DNAJC6: variants seen among roughly 807,000 people sequenced by gnomAD.
DNAJC6 encodes DnaJ heat shock protein family (Hsp40) member C6.
A neutral mutation model predicts 110.0 loss-of-function variants in DNAJC6; 34 were observed. The observed-to-expected ratio is 0.31, with a 90% CI of 0.24 to 0.41. The LOEUF (loss-of-function observed/expected upper bound fraction) is 0.41, where lower values mean the gene tolerates loss of function less well. DNAJC6 is among the 10% of genes least tolerant of loss of function. The probability of loss-of-function intolerance (pLI) is 1.00; values close to 1 mark genes in which losing one functional copy is unlikely to be tolerated. For synonymous variants in DNAJC6, 406 were observed against 437.2 expected (o/e 0.93, Z 0.89); for missense variants, 1,031 against 1,207.8 (o/e 0.85, Z 2.17).
chr1:65,265,096 A>T (rs1473410236), intron 1 of DNAJC6, among the ~76,000 whole-genome samples: 1 of 152,198 alleles, frequency 6.6e-6, no homozygotes, highest in Non-Finnish European at 1.5e-5. Flanking sequence ...TGATGACTTT[A>T]AAAAATGACT....
intron 1 of DNAJC6, among the ~76,000 whole-genome samples, chr1:65,313,446 C>T (rs776667403): frequency 1.3e-5 from 2 of 152,108 alleles, no homozygotes; most frequent in Non-Finnish European, 2.9e-5. Context: ...TATAAAAATA[C>T]ATTTGCAGTT....
chr1:65,351,035 C>T (rs909294405), intron 1 of DNAJC6, among the ~76,000 whole-genome samples: 2 of 152,190 alleles, frequency 1.3e-5, no homozygotes, highest in Non-Finnish European at 2.9e-5. Flanking sequence ...CCTATGTCCA[C>T]ACTGTGCCTC....
At chr1:65,339,815 C>A (rs1449774068) in intron 1 of DNAJC6, among the ~76,000 whole-genome samples, 1 of 152,174 alleles carries the variant, frequency 6.6e-6, no homozygotes, top group Non-Finnish European at 1.5e-5. Flanking sequence ...TAGTCCCTCA[C>A]CCCTGGGCTT....
chr1:65,264,914 A>G (rs1653265024), exon 1 of DNAJC6: 2 of 1,613,408 alleles, frequency 1.2e-6, no homozygotes, highest in Non-Finnish European at 1.7e-6. Context: ...GCAGAGAATG[A>G]AAGATTCTGA....
intron 5 of DNAJC6, among the ~76,000 whole-genome samples, chr1:65,380,855 G>A (rs1195568589): frequency 2.0e-5 from 3 of 148,944 alleles, no homozygotes; most frequent in African/African-American, 7.5e-5. Context: ...TGAATACCAT[G>A]TCTTTGGGAA....
At position 65,309,945 on chromosome 1, in the gene DNAJC6, C is replaced by T; in HGVS notation, c.193+7C>T. On this transcript the variant is annotated splice_region_variant and intron_variant, in intron 1 of 18. Transcript: ENST00000371069. ...AGCACCATGGACAGCTCAGGTAGCG[C>T]TGCCCGAGGGGAGTGCAGCGCTGAG... 1 of 1,451,950 alleles carries T rather than the reference C, an allele frequency of 6.9e-7. No individual in the cohort carries two copies. The highest frequency in any genetic ancestry group is 9.1e-7 in the Non-Finnish European group (1 of 1,102,178). The allele number at this position is 1,451,950 out of a possible 1,614,324, so 89.9% of individuals were successfully genotyped here.
intron 1 of DNAJC6, among the ~76,000 whole-genome samples, chr1:65,336,297 C>T (rs1436824945): frequency 6.6e-6 from 1 of 152,106 alleles, no homozygotes; most frequent in Non-Finnish European, 1.5e-5. Flanking sequence ...ATCACGAGAA[C>T]AGGAGCATGG....
At chr1:65,332,305 T>C (rs17127524) in intron 1 of DNAJC6, among the ~76,000 whole-genome samples, 10,759 of 152,176 alleles carry the variant, frequency 0.071, 632 homozygotes, top group East Asian at 0.23. Context: ...TATTTAAGAA[T>C]AACAAACGTT....
chr1:65,315,638 T>C (rs1482478957), intron 1 of DNAJC6, among the ~76,000 whole-genome samples: 4 of 152,208 alleles, frequency 2.6e-5, no homozygotes, highest in African/African-American at 9.6e-5. Context: ...TTAATTATTA[T>C]AATTCAGGGA....
At chr1:65,318,121 A>G (rs1409626460) in intron 1 of DNAJC6, among the ~76,000 whole-genome samples, 1 of 152,088 alleles carries the variant, frequency 6.6e-6, no homozygotes, top group Non-Finnish European at 1.5e-5. Flanking sequence ...GTGGGAGGCC[A>G]GTGAAGATTT....
At chr1:65,265,261 G>A (rs189526179) in intron 1 of DNAJC6, among the ~76,000 whole-genome samples, 127 of 152,244 alleles carry the variant, frequency 8.3e-4, no homozygotes, top group African/African-American at 3.0e-3. Flanking sequence ...TATTTTGGGG[G>A]TGTTCACAAT....
chr1:65,397,875 A>G (rs1056709945), intron 13 of DNAJC6, among the ~76,000 whole-genome samples: 1 of 152,168 alleles, frequency 6.6e-6, no homozygotes, highest in African/African-American at 2.4e-5. Flanking sequence ...ACAAGGAAAT[A>G]AAAGGTTTGG....
At chr1:65,407,603 T>C (rs1646089064) in intron 16 of DNAJC6, among the ~76,000 whole-genome samples, 1 of 152,192 alleles carries the variant, frequency 6.6e-6, no homozygotes, top group African/African-American at 2.4e-5. Flanking sequence ...TGTTTGTTCT[T>C]GACTAGCAGG....
intron 15 of DNAJC6, among the ~76,000 whole-genome samples, chr1:65,403,942 T>C (rs1646052626): frequency 6.6e-6 from 1 of 152,198 alleles, no homozygotes; most frequent in Non-Finnish European, 1.5e-5. Context: ...TAACTGGCAG[T>C]GTGGTAGGCA....
At chr1:65,399,260 T>TA (rs142741697) in intron 14 of DNAJC6, among the ~76,000 whole-genome samples, 1 of 152,072 alleles carries the variant, frequency 6.6e-6, no homozygotes, top group East Asian at 1.9e-4. Flanking sequence ...TAAGTTTAAA[T>TA]AAAAAAAACT....
At chr1:65,274,470 C>T (rs1267134944) in intron 1 of DNAJC6, among the ~76,000 whole-genome samples, 1 of 152,292 alleles carries the variant, frequency 6.6e-6, no homozygotes, top group African/African-American at 2.4e-5. Flanking sequence ...GCGTGTGCCA[C>T]CACACTCAGC....
intron 1 of DNAJC6, among the ~76,000 whole-genome samples, chr1:65,270,987 TTA>T (rs1570193627): frequency 6.6e-6 from 1 of 152,236 alleles, no homozygotes; most frequent in East Asian, 1.9e-4. Context: ...CAAAATTTTT[TTA>T]AAACATTTTA....
intron 1 of DNAJC6, among the ~76,000 whole-genome samples, chr1:65,320,452 A>G (rs1037796859): frequency 6.6e-6 from 1 of 152,184 alleles, no homozygotes; most frequent in Non-Finnish European, 1.5e-5. Flanking sequence ...GGAACTCCAA[A>G]TCTAAGCTCT....
chr1:65,395,398 G>A (rs189778692), intron 13 of DNAJC6, among the ~76,000 whole-genome samples: 9 of 152,298 alleles, frequency 5.9e-5, no homozygotes, highest in Admixed American at 2.0e-4. Flanking sequence ...TTCTTGGTTA[G>A]AGAAATCTTT....
Sources: allele counts gnomAD v4.1 joint callset (sites outside exome capture counted in the v4.1 genomes callset), GRCh38; gene constraint gnomAD v4.1.1; transcripts MANE v1.5; gene names NCBI Gene and HGNC (gene_info 2026-07-23, HGNC 2026-07-21).